RAD23A: variants seen among roughly 807,000 people sequenced by gnomAD.
RAD23A encodes the protein RAD23 nucleotide excision repair protein A.
A neutral mutation model predicts 44.8 loss-of-function variants in RAD23A; 16 were observed. The observed-to-expected ratio is 0.36, with a 90% CI of 0.24 to 0.54. The LOEUF (loss-of-function observed/expected upper bound fraction) is 0.54, where lower values mean the gene tolerates loss of function less well. RAD23A is among the 20% of genes least tolerant of loss of function. RAD23A has a pLI of 0.89. For missense variants in RAD23A, 380 were observed against 483.3 expected (o/e 0.79, Z 2.00); for synonymous variants, 217 against 202.9 (o/e 1.07, Z -0.59).
In RAD23A at chr19:12,949,507, A is replaced by G. The variant is rs548311909; in HGVS notation, c.813+99A>G. 2.1e-5 allele frequency: 31 copies of G among 1,481,386 alleles called. No individual in the cohort carries two copies. The Admixed American group carries it at 2.8e-4, about 13-fold the overall frequency. The allele number at this position is 1,481,386 out of a possible 1,614,324, so 91.8% of individuals were successfully genotyped here. On this transcript the variant is annotated intron_variant, in intron 7 of 8. Coordinates refer to ENST00000586534, the MANE Select transcript of RAD23A (RefSeq NM_005053.4). ...CGTAGGAATCGTTCTAGGTCCGGAA[A>G]GCAGGACTAAGCACATGCTTCCCCC...
intron 7 of RAD23A, among the ~76,000 whole-genome samples, chr19:12,950,195 A>G (rs576104268): frequency 6.6e-6 from 1 of 152,096 alleles, no homozygotes; most frequent in East Asian, 1.9e-4. Flanking sequence ...AGACCTCCCC[A>G]GTCCTCCCCG....
In RAD23A at chr19:12,948,707, C is replaced by T. The variant is rs748795390; in HGVS notation, c.494C>T (p.Thr165Met). ...ACAGTGACGGGCTCTGAGTATGAGACGATGCTGACGGAGATCATGTCCATG... is the reference window on the plus strand; with the variant it reads ...ACAGTGACGGGCTCTGAGTATGAGATGATGCTGACGGAGATCATGTCCATG... ...STLVTGSEYE[T>M]MLTEIMSMGY... The change falls in exon 5 of 9, where the codon ACG becomes ATG. Residue 165 changes from threonine to methionine, a missense_variant. Transcript: ENST00000586534. This position sits in a 1 kb window ranked among gnomAD's most constrained non-coding sequence, Gnocchi z 5.5. The T allele has an allele frequency of 5.0e-6, 8 of 1,613,096 alleles. No individual in the cohort carries two copies. The highest frequency in any genetic ancestry group is 4.5e-5 in the East Asian group (2 of 44,872).
In RAD23A at chr19:12,945,994, A is replaced by C. The variant is rs1234650768; in HGVS notation, c.46A>C (p.Lys16Gln). The C allele has an allele frequency of 3.8e-5, 60 of 1,586,318 alleles. No individual in the cohort carries two copies. In the Admixed American group the frequency reaches 9.7e-4, roughly 26 times the overall value. The part of the protein sequence containing the change: ...TLKTLQQQTF[K>Q]IRMEPDETVK... ...CAAAACGCTGCAGCAGCAGACCTTCAAGATCCGCATGGAGCCTGACGAGAC... is the reference window on the plus strand; with the variant it reads ...CAAAACGCTGCAGCAGCAGACCTTCCAGATCCGCATGGAGCCTGACGAGAC... The change falls in exon 1 of 9, where the codon AAG becomes CAG. Residue 16 changes from lysine to glutamine, a missense_variant. Physicochemically the swap from Lys to Gln is moderately conservative, Grantham distance 53. Transcript: ENST00000586534.
At position 12,953,101 on chromosome 19, in the gene RAD23A, G is replaced by A; in HGVS notation, c.*52G>A. 1 of 1,301,886 alleles carries A rather than the reference G, an allele frequency of 7.7e-7. No homozygotes were observed. The highest frequency in any genetic ancestry group is 1.1e-6 in the Non-Finnish European group (1 of 929,212). The allele number at this position is 1,301,886 out of a possible 1,614,324, so 80.6% of individuals were successfully genotyped here. On this transcript the variant is annotated 3_prime_UTR_variant, in exon 9 of 9. Coordinates refer to ENST00000586534, the MANE Select transcript of RAD23A (RefSeq NM_005053.4). ...CCCACCCTACCCTTATTCCATGAAA[G>A]TTTTATAAAAGAAAAAATATATATA... is the stretch of plus-strand genomic sequence containing the variant.
At chr19:12,951,442 T>C (rs1336974978) in intron 7 of RAD23A, among the ~76,000 whole-genome samples, 1 of 151,868 alleles carries the variant, frequency 6.6e-6, no homozygotes, top group African/African-American at 2.4e-5. Context: ...GTTTTTTTTG[T>C]TGTTGTTGTT....
Position 12,952,737 on chromosome 19 carries a change from C to T in RAD23A, c.862C>T (p.Pro288Ser), listed in dbSNP as rs1971848939. The T allele has an allele frequency of 6.2e-7, 1 of 1,613,108 alleles. No homozygotes were observed. Residue 288 changes from proline to serine, a missense_variant, in exon 8 of 9, where the codon CCT becomes TCT. By Grantham distance (74) the Pro-to-Ser change is moderately conservative. Transcript: ENST00000586534. Reference sequence around the variant, plus strand: ...GTTCATCCAGATGCTGAACGAGCCCCCTGGGGAGCTGGCGGACATCTCAGA... The same window carrying T: ...GTTCATCCAGATGCTGAACGAGCCCTCTGGGGAGCTGGCGGACATCTCAGA... ...EQFIQMLNEP[P>S]GELADISDVE... is the part of the protein sequence containing the mutation.
In RAD23A at chr19:12,948,200, A is replaced by T. The variant is rs976284841; in HGVS notation, c.258A>T (p.Ser86=). 1.2e-6 allele frequency: 2 copies of T among 1,613,966 alleles called. No homozygotes were observed. The highest frequency in any genetic ancestry group is 1.7e-6 in the Non-Finnish European group (2 of 1,179,972). The change falls in exon 3 of 9, where the codon TCA becomes TCT. Residue 86 remains serine, a synonymous_variant. Transcript: ENST00000586534. The surrounding 1 kb of genome is among the most constrained non-coding windows in gnomAD (Gnocchi z 5.5). The part of the protein sequence containing the change: ...VTKTKAGQGT[S]APPEASPTAA... ...AGACCAAAGCCGGCCAGGGTACCTC[A>T]GCACCCCCAGAGGCCTCACCCACAG...
At chr19:12,951,804 C>A (rs1338895860) in intron 7 of RAD23A, among the ~76,000 whole-genome samples, 1 of 152,194 alleles carries the variant, frequency 6.6e-6, no homozygotes, top group Non-Finnish European at 1.5e-5. Context: ...CACCCTGGGC[C>A]TTTGCACTTG....
Position 12,947,926 on chromosome 19 carries a change from G to A in RAD23A, c.151G>A (p.Ala51Thr). ...FPVAGQKLIY[A>T]GKILSDDVPI... ...CGTGGCTGGACAGAAACTCATCTAT[G>A]CCGGCAAGATCTTGAGTGACGATGT... Residue 51 changes from alanine to threonine, a missense_variant, in exon 2 of 9, where the codon GCC becomes ACC. By Grantham distance (58) the Ala-to-Thr change is moderately conservative. Coordinates refer to ENST00000586534, the MANE Select transcript of RAD23A (RefSeq NM_005053.4). 6.2e-7 allele frequency: 1 copy of A among 1,614,012 alleles called. No homozygotes were observed. Among genetic ancestry groups the A allele is most frequent in the Admixed American group, 1.7e-5 (1 of 60,008 alleles).
intron 1 of RAD23A, 36 bp downstream of exon 1, chr19:12,946,056 C>CGG: frequency 3.6e-5 from 4 of 110,936 alleles, no homozygotes; most frequent in South Asian, 6.3e-5. Flanking sequence ...GCGGGAGCGA[C>CGG]GGGTTTCGGG....
chr19:12,951,460 T>G (rs1425211421), intron 7 of RAD23A, among the ~76,000 whole-genome samples: 2 of 151,894 alleles, frequency 1.3e-5, no homozygotes, highest in Admixed American at 6.6e-5. Flanking sequence ...GTTTGTTTGT[T>G]TTTGAGATGG....
intron 7 of RAD23A, 139 bp from the exon 8 acceptor site, chr19:12,952,550 A>C: frequency 1.0e-6 from 1 of 966,288 alleles, no homozygotes; most frequent in Non-Finnish European, 1.5e-6. Context: ...GCTTGTGTCG[A>C]CTGCTATGTT....
rs1383719677 is a variant in RAD23A, at chr19:12,945,873, G to A, written c.-76G>A. 47 of 1,508,284 alleles carry A rather than the reference G, an allele frequency of 3.1e-5. No individual in the cohort carries two copies. The highest frequency in any genetic ancestry group is 3.9e-5 in the Non-Finnish European group (43 of 1,100,986). 93.4% of individuals were successfully genotyped at this position (1,508,284 alleles called of 1,614,324 possible). ...GGTCGGCGCGCGGCGCGGCGCGCCT[G>A]GGCGCTAAGATGGCGGCGGCGTGAG... On this transcript the variant is annotated 5_prime_UTR_variant, in exon 1 of 9. Coordinates refer to ENST00000586534, the MANE Select transcript of RAD23A (RefSeq NM_005053.4).
chr19:12,946,073 G>T, intron 1 of RAD23A, 53 bp downstream of exon 1: 3 of 1,294,514 alleles, frequency 2.3e-6, no homozygotes, highest in Non-Finnish European at 1.1e-6. Context: ...CGGGGGTGGG[G>T]TGGGGGCGGG....
At chr19:12,946,084 G>GGTTGGGGGGGGGGGGGGGGGGGGGGC in intron 1 of RAD23A, 64 bp downstream of exon 1, 1 of 512,146 alleles carries the variant, frequency 2.0e-6, no homozygotes, top group Non-Finnish European at 3.7e-6. Flanking sequence ...TGGGGGCGGG[G>GGTTGGGGGGGGGGGGGGGGGGGGGGC]AGGCTAGAAT....
chr19:12,953,524 G>A lies in RAD23A; in HGVS notation c.*475G>A, dbSNP rs8240. 0.038 allele frequency: 5,789 copies of A among 153,734 alleles called. 175 individuals carry two copies. Among genetic ancestry groups the A allele is most frequent in the Middle Eastern group, 0.18 (52 of 296 alleles). The allele number at this position is 153,734 out of a possible 1,614,324, so 9.5% of individuals were successfully genotyped here. Reference sequence around the variant, plus strand: ...AGGCCCAAGGCCCCCTCCCCAGTCTGGCCTTGGCCTCCAGCCTGGAGAAGG... The same window carrying A: ...AGGCCCAAGGCCCCCTCCCCAGTCTAGCCTTGGCCTCCAGCCTGGAGAAGG... On this transcript the variant is annotated 3_prime_UTR_variant, in exon 9 of 9. Transcript: ENST00000586534.
At chr19:12,949,434 T>A (rs1971749669) in intron 7 of RAD23A, 26 bp downstream of exon 7, 1 of 1,603,564 alleles carries the variant, frequency 6.2e-7, no homozygotes, top group Admixed American at 1.7e-5. Context: ...CAGAGGGAGC[T>A]AGGGCAGCCA....
chr19:12,951,374 G>T (rs554735706), intron 7 of RAD23A, among the ~76,000 whole-genome samples: 1 of 152,110 alleles, frequency 6.6e-6, no homozygotes, highest in Non-Finnish European at 1.5e-5. Context: ...TCTGACTTGG[G>T]CCTTCCTCTC....
Position 12,948,589 on chromosome 19 carries a change from GC to G in RAD23A, c.472+41del. On this transcript the variant is annotated intron_variant, in intron 4 of 8. Transcript: ENST00000586534. The surrounding 1 kb of genome is among the most constrained non-coding windows in gnomAD (Gnocchi z 5.5). ...GTCCCCAGGGCAGAGGTGACTGGGT[GC>G]CCCAGCCATCAGCTGGGCCTTGTCT... 1 of 1,574,592 alleles carries G rather than the reference GC, an allele frequency of 6.4e-7. No individual in the cohort carries two copies. Among genetic ancestry groups the G allele is most frequent in the Non-Finnish European group, 8.6e-7 (1 of 1,160,124 alleles).
Sources: gnomAD v4.1 joint callset for allele counts (sites outside exome capture counted in the v4.1 genomes callset) on GRCh38, gnomAD v4.1.1 for gene constraint, Gnocchi (gnomAD v3.1) non-coding constraint, MANE v1.5 for transcripts, NCBI Gene and HGNC (gene_info 2026-07-23, HGNC 2026-07-21) for gene names.